CUBN: variants seen among roughly 807,000 people sequenced by gnomAD.
CUBN encodes cubilin, also known as 460 kDa receptor.
CUBN carries 282 observed loss-of-function variants against 405.3 expected under a neutral mutation model. That is an observed-to-expected ratio of 0.70 (90% CI 0.63 to 0.77). The LOEUF is 0.77. Ranked by LOEUF, CUBN falls within the 30% of genes least tolerant of loss-of-function variation. The pLI, the probability that CUBN is intolerant of heterozygous loss-of-function variation, is 0.00. For missense variants in CUBN, 4,514 were observed against 4,475.2 expected (o/e 1.01, Z -0.25); for synonymous variants, 1,684 against 1,617.0 (o/e 1.04, Z -0.99).
At chr10:16,973,586 A>T (rs1168037162) in intron 31 of CUBN, among the ~76,000 whole-genome samples, 1 of 149,884 alleles carries the variant, frequency 6.7e-6, no homozygotes, top group Non-Finnish European at 1.5e-5. Flanking sequence ...CTATTTTGTC[A>T]CCCAGGTAAT....
At chr10:16,893,279 C>T (rs951695771) in intron 54 of CUBN, among the ~76,000 whole-genome samples, 2 of 152,152 alleles carry the variant, frequency 1.3e-5, no homozygotes, top group African/African-American at 4.8e-5. Context: ...TCCTTGTACA[C>T]ATTTCTGAGT....
chr10:16,897,504 C>T (rs1442525556), intron 54 of CUBN, among the ~76,000 whole-genome samples: 1 of 152,076 alleles, frequency 6.6e-6, no homozygotes, highest in Non-Finnish European at 1.5e-5. Context: ...TTTTCCCCTA[C>T]CAATACCCCC....
chr10:16,873,220 G>A (rs758291686), intron 58 of CUBN, among the ~76,000 whole-genome samples: 6 of 152,096 alleles, frequency 3.9e-5, no homozygotes, highest in South Asian at 2.1e-4. Context: ...CATGCCATAC[G>A]TATATCACTG....
At chr10:17,040,851 G>T (rs181621995) in intron 27 of CUBN, among the ~76,000 whole-genome samples, 182 bp downstream of exon 27, 1 of 152,284 alleles carries the variant, frequency 6.6e-6, no homozygotes, top group Non-Finnish European at 1.5e-5. Context: ...ATAGTTCTCT[G>T]TATTCACAAT....
rs1401932944 is a variant in CUBN, at chr10:16,977,241, G to A, written c.4695+5243C>T. ...GCCTGGAAACCCATGGCCCTAAATG[G>A]GAACAGGCATTCCTGTTTCCACACC... On this transcript the variant is annotated intron_variant, in intron 31 of 66. Transcript: ENST00000377833. 2.0e-5 allele frequency among the ~76,000 whole-genome samples: 3 copies of A among 152,204 alleles called. No homozygotes were observed. The East Asian group carries it at 5.8e-4, about 29-fold the overall frequency.
At chr10:17,084,178 T>C in intron 17 of CUBN, 93 bp downstream of exon 17, 2 of 1,257,684 alleles carry the variant, frequency 1.6e-6, no homozygotes, top group African/African-American at 2.9e-5. Flanking sequence ...TTCTGGCTGC[T>C]GGTGGCCCAA....
Position 17,127,888 on chromosome 10 carries a change from C to T in CUBN, c.289G>A (p.Gly97Arg), listed in dbSNP as rs763105241. Reference protein sequence around the residue: ...KNKEDIIELKGSAIGLPQNIS... With the variant: ...KNKEDIIELKRSAIGLPQNIS... Reference sequence around the variant, plus strand: ...TTTTGAGGCAGACCAATTGCACTCCCTTTTAACTCTATAATATCTTCTTTG... The same window carrying T: ...TTTTGAGGCAGACCAATTGCACTCCTTTTTAACTCTATAATATCTTCTTTG... The change falls in exon 3 of 67, where the codon GGG becomes AGG. Residue 97 changes from glycine (G) to arginine (R), a missense_variant. Physicochemically the swap from Gly to Arg is moderately radical, Grantham distance 125. Around this residue, in one of 5 missense-constraint regions of CUBN, gnomAD observed 1,448 missense variants for 1,388.0 expected, o/e 1.04. Coordinates refer to ENST00000377833, the MANE Select transcript of CUBN (RefSeq NM_001081.4). The T allele has an allele frequency of 5.0e-6, 8 of 1,611,618 alleles. No homozygotes were observed. The highest frequency in any genetic ancestry group is 3.3e-5 in the Admixed American group (2 of 59,896).
chr10:16,869,932 A>AG lies in CUBN; in HGVS notation c.9237-80_9237-79insC. ...TGTAGCTTTAGCTCTTGCAAAAAAAATGACAAGGAAAAAACTACCAGTAGA... is the reference window on the plus strand; with the variant it reads ...TGTAGCTTTAGCTCTTGCAAAAAAAAGTGACAAGGAAAAAACTACCAGTAGA... On this transcript the variant is annotated intron_variant, in intron 58 of 66. Coordinates refer to ENST00000377833, the MANE Select transcript of CUBN (RefSeq NM_001081.4). The AG allele has an allele frequency of 1.2e-5, 13 of 1,051,408 alleles. No homozygotes were observed. In the South Asian group the frequency reaches 1.6e-4, roughly 13 times the overall value. The allele number at this position is 1,051,408 out of a possible 1,614,324, so 65.1% of individuals were successfully genotyped here.
intron 17 of CUBN, among the ~76,000 whole-genome samples, chr10:17,078,381 C>G (rs1196533054): frequency 6.6e-6 from 1 of 152,186 alleles, no homozygotes; most frequent in African/African-American, 2.4e-5. Context: ...TCTCTCAGTT[C>G]TTTGCATTGC....
intron 34 of CUBN, among the ~76,000 whole-genome samples, chr10:16,949,535 T>C (rs986801481): frequency 3.3e-5 from 5 of 151,864 alleles, no homozygotes; most frequent in African/African-American, 9.7e-5. Context: ...TTTAATTTTA[T>C]TGGGATGTCT....
rs764637920 is a variant in CUBN at position 16,982,661 on chromosome 10, TG to T, written c.4526-9del. On this transcript the variant is annotated splice_polypyrimidine_tract_variant and intron_variant, in intron 30 of 66. Coordinates refer to ENST00000377833, the MANE Select transcript of CUBN (RefSeq NM_001081.4). The stretch of plus-strand genomic sequence containing the variant: ...GGAAAATCCCACCACAACCTGGAAG[TG>T]GGGAACACAATTATTTCATGAGAGG... The T allele has an allele frequency of 1.6e-5, 25 of 1,610,604 alleles. No individual in the cohort carries two copies. The Admixed American group carries it at 3.7e-4, about 24-fold the overall frequency.
At position 16,831,276 on chromosome 10, in the gene CUBN, T is replaced by C. The variant is rs1246906203; in HGVS notation, c.10504A>G (p.Ile3502Val). 1 of 1,614,120 alleles carries C rather than the reference T, an allele frequency of 6.2e-7. No homozygotes were observed. Among genetic ancestry groups the C allele is most frequent in the South Asian group, 1.1e-5 (1 of 91,080 alleles). ...CCAGAGGGTGATGAAGTCCAGATGA[T>C]TTCATATCCACGATCAGAAGTTACA... ...DSVTSDRGYE[I>V]IWTSSPSGCG... Residue 3502 changes from isoleucine to valine, a missense_variant, in exon 65 of 67, where the codon ATC becomes GTC. Coordinates refer to ENST00000377833, the MANE Select transcript of CUBN (RefSeq NM_001081.4).
At chr10:17,127,264 C>CTTTTTTTTT (rs34414528) in intron 3 of CUBN, among the ~76,000 whole-genome samples, 3 of 82,868 alleles carry the variant, frequency 3.6e-5, no homozygotes, top group Non-Finnish European at 2.1e-5. Context: ...CTCTCTCTTT[C>CTTTTTTTTT]TTTTTTTTTT....
chr10:17,048,013 C>T (rs1041489035), intron 22 of CUBN, among the ~76,000 whole-genome samples: 2 of 152,236 alleles, frequency 1.3e-5, no homozygotes, highest in African/African-American at 2.4e-5. Context: ...AATGACAAAG[C>T]AGGTACCTCC....
chr10:16,899,500 TGTA>T (rs1242556481), intron 53 of CUBN, among the ~76,000 whole-genome samples: 1 of 152,224 alleles, frequency 6.6e-6, no homozygotes, highest in African/African-American at 2.4e-5. Flanking sequence ...TTTGAGCCTA[TGTA>T]GTATATGTAA....
intron 22 of CUBN, among the ~76,000 whole-genome samples, chr10:17,048,033 T>C (rs902927235): frequency 4.6e-5 from 7 of 152,176 alleles, no homozygotes; most frequent in Non-Finnish European, 1.0e-4. Flanking sequence ...CACCACGGGG[T>C]GAAGAATAAG....
chr10:16,989,010 T>C (rs1040585928), intron 29 of CUBN, among the ~76,000 whole-genome samples: 5 of 152,226 alleles, frequency 3.3e-5, no homozygotes, highest in Non-Finnish European at 5.9e-5. Flanking sequence ...ATCAGAGACG[T>C]TGATGCTTTC....
At chr10:17,034,290 T>C (rs1336234935) in intron 27 of CUBN, among the ~76,000 whole-genome samples, 31 of 152,184 alleles carry the variant, frequency 2.0e-4, no homozygotes, top group Admixed American at 2.0e-3. Flanking sequence ...GTAAAGTGAA[T>C]CTGACATTTT....
chr10:17,025,846 A>G (rs919918939), intron 27 of CUBN, among the ~76,000 whole-genome samples: 1 of 152,116 alleles, frequency 6.6e-6, no homozygotes, highest in Non-Finnish European at 1.5e-5. Flanking sequence ...ACCAAGGCGA[A>G]TCATCCTGTG....
Sources: gnomAD v4.1 joint callset for allele counts (sites outside exome capture counted in the v4.1 genomes callset) on GRCh38, gnomAD v4.1.1 for gene constraint, gnomAD v4.1.1 regional missense constraint, MANE v1.5 for transcripts, NCBI Gene and HGNC (gene_info 2026-07-23, HGNC 2026-07-21) for gene names.